Variants in GPC3 observed in about 807,000 individuals in gnomAD.
GPC3 encodes the protein glypican-3.
In GPC3, 3 loss-of-function variants were observed where a neutral mutation model predicts 34.4. That is an observed-to-expected ratio of 0.09 (90% CI 0.04 to 0.23). GPC3 has a LOEUF of 0.23. Among genes scored for constraint, GPC3 ranks in the 10% least tolerant of loss-of-function variants. The pLI, the probability that GPC3 is intolerant of heterozygous loss-of-function variation, is 1.00. For missense variants in GPC3, 351 were observed against 445.6 expected (o/e 0.79, Z 1.91); for synonymous variants, 177 against 174.0 (o/e 1.02, Z -0.13).
intron 3 of GPC3, among the ~76,000 whole-genome samples, chrX:133,742,960 A>C (rs2071576597): frequency 8.9e-6 from 1 of 112,487 alleles, no homozygotes; most frequent in Non-Finnish European, 1.9e-5. Flanking sequence ...ATAAGGAGGC[A>C]GCAACAACCC....
At chrX:133,641,391 G>A (rs2070479666) in intron 6 of GPC3, among the ~76,000 whole-genome samples, 1 of 109,995 alleles carries the variant, frequency 9.1e-6, no homozygotes, top group African/African-American at 3.3e-5. Flanking sequence ...TGGGAGAATT[G>A]CTTGAACCCG....
At chrX:133,691,025 G>A (rs182276927) in intron 5 of GPC3, among the ~76,000 whole-genome samples, 3 of 111,767 alleles carry the variant, frequency 2.7e-5, no homozygotes, top group African/African-American at 3.3e-5. Flanking sequence ...TACCACTAGC[G>A]CACCAGAATG....
At chrX:133,953,718 G>A (rs190611892) in intron 1 of GPC3, among the ~76,000 whole-genome samples, 1 of 111,843 alleles carries the variant, frequency 8.9e-6, no homozygotes, top group Admixed American at 9.5e-5. Context: ...TCAAAGCTGT[G>A]TTGTTGTTTT....
intron 3 of GPC3, among the ~76,000 whole-genome samples, chrX:133,716,737 A>T (rs2071317552): frequency 9.0e-6 from 1 of 111,638 alleles, no homozygotes; most frequent in African/African-American, 3.3e-5. Context: ...GAGAGAGAAG[A>T]GAGAAAGAAA....
At chrX:133,891,358 C>T (rs959484722) in intron 2 of GPC3, among the ~76,000 whole-genome samples, 1 of 111,392 alleles carries the variant, frequency 9.0e-6, no homozygotes, top group Non-Finnish European at 1.9e-5. Context: ...TATCCCAAAA[C>T]TGACTGTGGT....
intron 5 of GPC3, among the ~76,000 whole-genome samples, chrX:133,677,742 C>T: frequency 9.0e-6 from 1 of 111,550 alleles, no homozygotes; most frequent in East Asian, 2.8e-4. Context: ...TCTAAGAACT[C>T]CTTCTTCCAG....
At chrX:133,706,690 T>C (rs1367244132) in intron 3 of GPC3, among the ~76,000 whole-genome samples, 2 of 111,918 alleles carry the variant, frequency 1.8e-5, no homozygotes, top group Admixed American at 1.9e-4. Flanking sequence ...TTTTGTTAAA[T>C]AGTCTAAAAA....
chrX:133,807,967 T>A (rs1460556497), intron 2 of GPC3, among the ~76,000 whole-genome samples: 9 of 112,181 alleles, frequency 8.0e-5, no homozygotes, highest in African/African-American at 2.9e-4. Flanking sequence ...GGAAGGAAGA[T>A]CAAGTTGAAG....
intron 2 of GPC3, among the ~76,000 whole-genome samples, chrX:133,808,517 T>C (rs942881737): frequency 1.8e-5 from 2 of 111,719 alleles, no homozygotes; most frequent in Admixed American, 9.5e-5. Flanking sequence ...ATATGCCTGG[T>C]CCTTATATGC....
chrX:133,903,074 C>G (rs765742695), intron 2 of GPC3, among the ~76,000 whole-genome samples: 3 of 108,774 alleles, frequency 2.8e-5, no homozygotes, highest in African/African-American at 1.0e-4. Flanking sequence ...TCGCTTGAAC[C>G]TGGGAGACAG....
At chrX:133,598,020 T>C (rs1389184871) in intron 6 of GPC3, among the ~76,000 whole-genome samples, 1 of 112,619 alleles carries the variant, frequency 8.9e-6, no homozygotes, top group African/African-American at 3.2e-5. Context: ...ATAGAGTTTA[T>C]ATAAGTTATT....
chrX:133,567,204 G>C (rs1279343660), intron 7 of GPC3, among the ~76,000 whole-genome samples: 1 of 111,986 alleles, frequency 8.9e-6, no homozygotes, highest in Non-Finnish European at 1.9e-5. Flanking sequence ...GAGTTTCCCA[G>C]GTGAGCCCTG....
At position 133,753,658 on chromosome X, in the gene GPC3, T is replaced by C. The variant is rs763327506; in HGVS notation, c.856A>G (p.Met286Val). Residue 286 changes from methionine to valine, a missense_variant, in exon 3 of 8, where the codon ATG becomes GTG. Coordinates refer to ENST00000370818, the MANE Select transcript of GPC3 (RefSeq NM_004484.4). ...TTGTCAATCTCCACCACACCTGCCATACAGCCTTGCATGACCACATTGCAG... is the reference window on the plus strand; with the variant it reads ...TTGTCAATCTCCACCACACCTGCCACACAGCCTTGCATGACCACATTGCAG... Reference protein sequence around the residue: ...GYCNVVMQGCMAGVVEIDKYW... With the variant: ...GYCNVVMQGCVAGVVEIDKYW... The C allele has an allele frequency of 7.4e-6, 9 of 1,211,913 alleles. No individual in the cohort carries two copies. Among genetic ancestry groups the C allele is most frequent in the Non-Finnish European group, 1.0e-5 (9 of 895,383 alleles).
Position 133,657,519 on chromosome X carries a change from A to C in GPC3, c.1413+4211T>G, listed in dbSNP as rs147096974. The stretch of plus-strand genomic sequence containing the variant: ...GTTCAATTCTTTTCCTAACACAAGA[A>C]AATAAGTCCTCACACAAATTAGAAA... On this transcript the variant is annotated intron_variant, in intron 6 of 7. Transcript: ENST00000370818. Among the ~76,000 whole-genome samples, 220 of 111,669 alleles carry C rather than the reference A, an allele frequency of 2.0e-3. 1 individual carries two copies. The highest frequency in any genetic ancestry group is 6.9e-3 in the African/African-American group (211 of 30,729).
chrX:133,807,734 G>T (rs2075643768), intron 2 of GPC3, among the ~76,000 whole-genome samples: 1 of 112,492 alleles, frequency 8.9e-6, no homozygotes, highest in Non-Finnish European at 1.9e-5. Context: ...GTGCTCAAGA[G>T]ATGTACAAAT....
chrX:133,956,623 T>A (rs1408106437), intron 1 of GPC3, among the ~76,000 whole-genome samples: 1 of 112,373 alleles, frequency 8.9e-6, no homozygotes, highest in Admixed American at 9.4e-5. Context: ...TTTAAATAAG[T>A]TCATAAAATT....
chrX:133,695,804 C>T (rs1337411153), intron 4 of GPC3, among the ~76,000 whole-genome samples: 1 of 112,235 alleles, frequency 8.9e-6, no homozygotes, highest in African/African-American at 3.2e-5. Flanking sequence ...CATGGTCCCA[C>T]CAGACACAGA....
intron 2 of GPC3, among the ~76,000 whole-genome samples, chrX:133,945,806 A>G (rs2076365865): frequency 9.0e-6 from 1 of 111,476 alleles, no homozygotes; most frequent in African/African-American, 3.2e-5. Flanking sequence ...CTGTTAAACA[A>G]TGAAACTTAA....
intron 3 of GPC3, among the ~76,000 whole-genome samples, chrX:133,749,386 T>C (rs933337234): frequency 1.8e-5 from 2 of 111,945 alleles, no homozygotes; most frequent in Non-Finnish European, 3.8e-5. Context: ...ATTGTGATGA[T>C]GAGCCGAGTT....
Sources: gnomAD v4.1 joint callset for allele counts (sites outside exome capture counted in the v4.1 genomes callset) on GRCh38, gnomAD v4.1.1 for gene constraint, MANE v1.5 for transcripts, NCBI Gene and HGNC (gene_info 2026-07-23, HGNC 2026-07-21) for gene names.